Variants in BRIP1 observed in about 807,000 individuals in gnomAD.
BRIP1 encodes the protein Fanconi anemia group J protein.
BRIP1 carries 88 observed loss-of-function variants against 119.7 expected under a neutral mutation model. The observed-to-expected ratio is 0.74, with a 90% CI of 0.62 to 0.88. The LOEUF (loss-of-function observed/expected upper bound fraction) is 0.88, where lower values mean the gene tolerates loss of function less well. Among genes scored for constraint, BRIP1 ranks in the 40% least tolerant of loss-of-function variants. The pLI is 0.00. For missense variants in BRIP1, 1,259 were observed against 1,455.4 expected, an observed-to-expected ratio of 0.87 and a Z score of 2.20; for synonymous variants, 443 against 496.5, an observed-to-expected ratio of 0.89 and a Z score of 1.43.
rs142108255 is a variant in BRIP1, at chr17:61,693,562, C to A, written c.2493-50G>T. On this transcript the variant is annotated intron_variant, in intron 17 of 19. Transcript: ENST00000259008. The surrounding 1 kb of genome is among the most constrained non-coding windows in gnomAD (Gnocchi z 4.2). ...AATAATTATAACATCGGAAATAAAT[C>A]CAGTTTTCCAGTGGGACAGACAGAA... The A allele has an allele frequency of 3.7e-4, 534 of 1,448,446 alleles. 1 individual carries two copies. The African/African-American group carries it at 6.2e-3, about 17-fold the overall frequency. 89.7% of individuals were successfully genotyped at this position (1,448,446 alleles called of 1,614,324 possible).
At chr17:61,829,358 C>T (rs2078455193) in intron 6 of BRIP1, among the ~76,000 whole-genome samples, 1 of 151,938 alleles carries the variant, frequency 6.6e-6, no homozygotes, top group Non-Finnish European at 1.5e-5. Flanking sequence ...GTTAATACAT[C>T]AAGAAGACAT....
At chr17:61,763,423 T>G (rs1356560354) in intron 14 of BRIP1, among the ~76,000 whole-genome samples, 1 of 152,124 alleles carries the variant, frequency 6.6e-6, no homozygotes, top group Non-Finnish European at 1.5e-5. Context: ...CCTATGGTAT[T>G]CTCTACATTG....
rs1409958965 is a variant in BRIP1 at position 61,804,296 on chromosome 17, T to C, written c.919-2822A>G. On this transcript the variant is annotated intron_variant, in intron 7 of 19. Transcript: ENST00000259008. The surrounding 1 kb of genome is among the most constrained non-coding windows in gnomAD (Gnocchi z 4.5). ...AATTCTACTATTTATTTTAAAACGATTTTGAAATAAAAATATTTATTTTTC... is the reference window on the plus strand; with the variant it reads ...AATTCTACTATTTATTTTAAAACGACTTTGAAATAAAAATATTTATTTTTC... Among the ~76,000 whole-genome samples, 1 of 152,072 alleles carries C rather than the reference T, an allele frequency of 6.6e-6. No homozygotes were observed. The highest frequency in any genetic ancestry group is 1.5e-5 in the Non-Finnish European group (1 of 68,010).
At chr17:61,766,995 C>G (rs1206149528) in intron 14 of BRIP1, among the ~76,000 whole-genome samples, 3 of 151,994 alleles carry the variant, frequency 2.0e-5, no homozygotes, top group Non-Finnish European at 2.9e-5. Context: ...ACAACAGAGT[C>G]AAAATCAAAT....
rs572708371 is a variant in BRIP1 at position 61,793,909 on chromosome 17, A to G, written c.1341-180T>C. 2.2e-4 allele frequency among the ~76,000 whole-genome samples: 34 copies of G among 152,300 alleles called. 1 individual carries two copies. The South Asian group carries it at 7.0e-3, about 32-fold the overall frequency. On this transcript the variant is annotated intron_variant, in intron 9 of 19. Coordinates refer to ENST00000259008, the MANE Select transcript of BRIP1 (RefSeq NM_032043.3). This position sits in a 1 kb window ranked among gnomAD's most constrained non-coding sequence, Gnocchi z 5.2. ...GCATTCATGTCTCATATTGCAAAAT[A>G]AACTTTATATAACTGAAAAGAAAGC...
chr17:61,819,922 G>A (rs2078295649), intron 6 of BRIP1, among the ~76,000 whole-genome samples: 1 of 151,864 alleles, frequency 6.6e-6, no homozygotes, highest in Non-Finnish European at 1.5e-5. Flanking sequence ...TGCTTCAGGT[G>A]ATGGATACCT....
chr17:61,833,557 G>C (rs777128213), intron 6 of BRIP1, among the ~76,000 whole-genome samples: 11 of 151,872 alleles, frequency 7.2e-5, no homozygotes, highest in Non-Finnish European at 1.0e-4. Context: ...TGTAATCCCA[G>C]CTACTCGAGC....
rs1377032817 is a variant in BRIP1, at chr17:61,810,144, ACAG to A, written c.628-1390_628-1388del. On this transcript the variant is annotated intron_variant, in intron 6 of 19. Coordinates refer to ENST00000259008, the MANE Select transcript of BRIP1 (RefSeq NM_032043.3). This position sits in a 1 kb window ranked among gnomAD's most constrained non-coding sequence, Gnocchi z 4.7. ...ACATTCTCCTCTCAGGTTGCCAGTA[ACAG>A]CAGATTTCATTACAGAGTGCTGCCA... Among the ~76,000 whole-genome samples, 1 of 152,250 alleles carries A rather than the reference ACAG, an allele frequency of 6.6e-6. No individual in the cohort carries two copies. Among genetic ancestry groups the A allele is most frequent in the Non-Finnish European group, 1.5e-5 (1 of 68,040 alleles).
In BRIP1 at chr17:61,802,783, A is replaced by G. The variant is rs571138909; in HGVS notation, c.919-1309T>C. Among the ~76,000 whole-genome samples the G allele has an allele frequency of 2.6e-5, 4 of 152,288 alleles. No individual in the cohort carries two copies. The highest frequency in any genetic ancestry group is 2.1e-4 in the South Asian group (1 of 4,826). On this transcript the variant is annotated intron_variant, in intron 7 of 19. Coordinates refer to ENST00000259008, the MANE Select transcript of BRIP1 (RefSeq NM_032043.3). This position sits in a 1 kb window ranked among gnomAD's most constrained non-coding sequence, Gnocchi z 6.0. ...TGGTTTCTAAATATTTTCTTAGTCT[A>G]TATTTTTAGAAATGGCATTATGGGA...
At chr17:61,727,335 G>A (rs1299719566) in intron 16 of BRIP1, among the ~76,000 whole-genome samples, 1 of 152,124 alleles carries the variant, frequency 6.6e-6, no homozygotes, top group East Asian at 1.9e-4. Flanking sequence ...ACCTAAGCAA[G>A]AGCGAGCATG....
chr17:61,837,181 C>T (rs1023651450), intron 6 of BRIP1, among the ~76,000 whole-genome samples: 3 of 152,124 alleles, frequency 2.0e-5, no homozygotes, highest in Non-Finnish European at 4.4e-5. Flanking sequence ...ATTAATATTT[C>T]TAAAGTGCTT....
rs1060504319 is a variant in BRIP1 at position 61,683,971 on chromosome 17, T to A, written c.3075A>T (p.Ser1025=). The stretch of plus-strand genomic sequence containing the variant: ...GAGGACTAGAGGCACTATTCTCTGA[T>A]GACCCGAGCTCAGGTGTTGCCTTCG... ...KIPKATPELG[S]SENSASSPPR... Residue 1025 remains serine (S), a synonymous_variant, in exon 20 of 20, where the codon TCA becomes TCT. Transcript: ENST00000259008. This position sits in a 1 kb window ranked among gnomAD's most constrained non-coding sequence, Gnocchi z 4.7. 2.5e-6 allele frequency: 4 copies of A among 1,614,098 alleles called. No individual in the cohort carries two copies. Among genetic ancestry groups the A allele is most frequent in the Non-Finnish European group, 3.4e-6 (4 of 1,180,044 alleles).
At chr17:61,764,524 C>T (rs1478037219) in intron 14 of BRIP1, among the ~76,000 whole-genome samples, 1 of 152,104 alleles carries the variant, frequency 6.6e-6, no homozygotes, top group Non-Finnish European at 1.5e-5. Flanking sequence ...CCACACAAAT[C>T]ATCTAAATTC....
intron 16 of BRIP1, among the ~76,000 whole-genome samples, chr17:61,718,378 C>T (rs1002711654): frequency 3.3e-5 from 5 of 152,102 alleles, no homozygotes; most frequent in South Asian, 2.1e-4. Flanking sequence ...TTTCAAGTAC[C>T]CCATGTGTTA....
chr17:61,702,935 G>C (rs1444964423), intron 17 of BRIP1, among the ~76,000 whole-genome samples: 1 of 147,098 alleles, frequency 6.8e-6, no homozygotes, highest in African/African-American at 2.5e-5. Flanking sequence ...CAGTACATAT[G>C]TGGTCCTTTT....
rs1403310555 is a variant in BRIP1, at chr17:61,683,438, T to A, written c.3608A>T (p.Glu1203Val). The A allele has an allele frequency of 7.4e-6, 12 of 1,613,582 alleles. No homozygotes were observed. The highest frequency in any genetic ancestry group is 1.0e-5 in the Non-Finnish European group (12 of 1,179,844). The change falls in exon 20 of 20, where the codon GAA becomes GTA. Residue 1203 changes from glutamate (E) to valine (V), a missense_variant. Coordinates refer to ENST00000259008, the MANE Select transcript of BRIP1 (RefSeq NM_032043.3). The surrounding 1 kb of genome is among the most constrained non-coding windows in gnomAD (Gnocchi z 4.7). Reference sequence around the variant, plus strand: ...ACCATCAATGTCATCAATTTTACTTTCTTCAATATGCAGAATTCCATTCAA... The same window carrying A: ...ACCATCAATGTCATCAATTTTACTTACTTCAATATGCAGAATTCCATTCAA... The part of the protein sequence containing the change: ...TKLNGILHIE[E>V]SKIDDIDGNV...
At position 61,807,856 on chromosome 17, in the gene BRIP1, T is replaced by C. The variant is rs1377712711; in HGVS notation, c.918+611A>G. Among the ~76,000 whole-genome samples, 1 of 152,122 alleles carries C rather than the reference T, an allele frequency of 6.6e-6. No individual in the cohort carries two copies. The highest frequency in any genetic ancestry group is 1.5e-5 in the Non-Finnish European group (1 of 67,998). On this transcript the variant is annotated intron_variant, in intron 7 of 19. Transcript: ENST00000259008. This position sits in a 1 kb window ranked among gnomAD's most constrained non-coding sequence, Gnocchi z 4.5. ...ATTATTTGAAAGTCATATAAGTCTT[T>C]AGTAAGAAAGAATTCTCTATTTCCA...
intron 17 of BRIP1, among the ~76,000 whole-genome samples, chr17:61,698,259 A>G (rs2061558620): frequency 6.6e-6 from 1 of 152,190 alleles, no homozygotes; most frequent in Non-Finnish European, 1.5e-5. Context: ...TTAAAAGTAT[A>G]TCATTGAATT....
chr17:61,734,953 T>C lies in BRIP1; in HGVS notation c.2379+8060A>G, dbSNP rs1033335792. Among the ~76,000 whole-genome samples, 2 of 152,220 alleles carry C rather than the reference T, an allele frequency of 1.3e-5. No homozygotes were observed. The highest frequency in any genetic ancestry group is 2.9e-5 in the Non-Finnish European group (2 of 68,026). ...ACAAAATAATGCAGAAATAGGTTGT[T>C]TCGTTTCTATAAGGTAGAACATTTA... is the stretch of plus-strand genomic sequence containing the variant. On this transcript the variant is annotated intron_variant, in intron 16 of 19. Coordinates refer to ENST00000259008, the MANE Select transcript of BRIP1 (RefSeq NM_032043.3). This position sits in a 1 kb window ranked among gnomAD's most constrained non-coding sequence, Gnocchi z 5.2.
Sources: gnomAD v4.1 joint callset for allele counts (sites outside exome capture counted in the v4.1 genomes callset) on GRCh38, gnomAD v4.1.1 for gene constraint, Gnocchi (gnomAD v3.1) non-coding constraint, MANE v1.5 for transcripts, NCBI Gene and HGNC (gene_info 2026-07-23, HGNC 2026-07-21) for gene names.